Variants in PPP2R1A observed in about 807,000 individuals in gnomAD.
PPP2R1A encodes serine/threonine-protein phosphatase 2A 65 kDa regulatory subunit A alpha isoform.
A neutral mutation model predicts 67.1 loss-of-function variants in PPP2R1A; 15 were observed. The ratio of observed to expected loss-of-function variants is 0.22; its 90% CI spans 0.15 to 0.34. The LOEUF is 0.34. Among genes scored for constraint, PPP2R1A ranks in the 10% least tolerant of loss-of-function variants. PPP2R1A has a pLI of 1.00. For synonymous variants in PPP2R1A, 337 were observed against 325.0 expected, an observed-to-expected ratio of 1.04 and a Z score of -0.40; for missense variants, 369 against 775.0, an observed-to-expected ratio of 0.48 and a Z score of 6.22.
chr19:52,207,031 T>C (rs981340898), intron 3 of PPP2R1A, among the ~76,000 whole-genome samples: 4 of 152,222 alleles, frequency 2.6e-5, no homozygotes, highest in African/African-American at 7.2e-5. Flanking sequence ...AATATAACAA[T>C]TTGTTTCTTC....
chr19:52,203,886 C>T lies in PPP2R1A; in HGVS notation c.169+1852C>T, dbSNP rs143064010. ...GAACTCAGGGAAACACTTATGTTTA[C>T]TGGTTTATTATAAAGGATTTTGCAA... On this transcript the variant is annotated intron_variant, in intron 2 of 14. Coordinates refer to ENST00000322088, the MANE Select transcript of PPP2R1A (RefSeq NM_014225.6). 2.4e-3 allele frequency among the ~76,000 whole-genome samples: 360 copies of T among 152,238 alleles called. 3 individuals are homozygous for T. The highest frequency in any genetic ancestry group is 8.3e-3 in the African/African-American group (343 of 41,538).
intron 1 of PPP2R1A, chr19:52,200,291 A>G (rs2089535184): frequency 6.6e-6 from 1 of 152,188 alleles, no homozygotes; most frequent in South Asian, 2.1e-4. Flanking sequence ...AGCTATTAAT[A>G]ATAGGAGAGG....
chr19:52,204,102 G>A (rs1204941250), intron 2 of PPP2R1A, among the ~76,000 whole-genome samples: 2 of 152,192 alleles, frequency 1.3e-5, no homozygotes, highest in Non-Finnish European at 1.5e-5. Context: ...CCAGCCATGT[G>A]GAACTCTGTG....
At chr19:52,205,236 CA>C (rs1401215791) in intron 2 of PPP2R1A, among the ~76,000 whole-genome samples, 4 of 152,154 alleles carry the variant, frequency 2.6e-5, no homozygotes, top group Non-Finnish European at 5.9e-5. Context: ...CCCACTGCCT[CA>C]GGGATGAGAG....
At chr19:52,200,946 ATT>A (rs1280456967) in intron 1 of PPP2R1A, 6 of 148,348 alleles carry the variant, frequency 4.0e-5, no homozygotes, top group African/African-American at 1.3e-4. Flanking sequence ...ACGTCACTGG[ATT>A]CAAGGCTAAC....
intron 1 of PPP2R1A, among the ~76,000 whole-genome samples, chr19:52,197,550 C>T (rs2089507685): frequency 6.6e-6 from 1 of 152,128 alleles, no homozygotes; most frequent in Admixed American, 6.6e-5. Context: ...TGACACCTGC[C>T]TGTAGACCCG....
In PPP2R1A at chr19:52,219,606, A is replaced by G; in HGVS notation, c.1129-85A>G. 3 of 1,398,064 alleles carry G rather than the reference A, an allele frequency of 2.1e-6. No individual in the cohort carries two copies. Among genetic ancestry groups the G allele is most frequent in the Non-Finnish European group, 2.0e-6 (2 of 1,024,868 alleles). 86.6% of individuals were successfully genotyped at this position (1,398,064 alleles called of 1,614,324 possible). A position where few individuals can be genotyped will look rare whatever the true frequency, so the allele number is the denominator to read the frequency against. On this transcript the variant is annotated intron_variant, in intron 9 of 14. Coordinates refer to ENST00000322088, the MANE Select transcript of PPP2R1A (RefSeq NM_014225.6). This position sits in a 1 kb window ranked among gnomAD's most constrained non-coding sequence, Gnocchi z 4.0. ...TAGTCCCTCGGGAGATGTCCATAAAAGTTGATGCAGCTGAGCTCTTTCCAT... is the reference window on the plus strand; with the variant it reads ...TAGTCCCTCGGGAGATGTCCATAAAGGTTGATGCAGCTGAGCTCTTTCCAT...
In PPP2R1A at chr19:52,211,599, C is replaced by T; in HGVS notation, c.503+107C>T. The T allele has an allele frequency of 8.9e-7, 1 of 1,128,856 alleles. No individual in the cohort carries two copies. The highest frequency in any genetic ancestry group is 1.6e-5 in the African/African-American group (1 of 63,784). The allele number at this position is 1,128,856 out of a possible 1,614,324, so 69.9% of individuals were successfully genotyped here. A position where few individuals can be genotyped will look rare whatever the true frequency, so the allele number is the denominator to read the frequency against. On this transcript the variant is annotated intron_variant, in intron 4 of 14. Coordinates refer to ENST00000322088, the MANE Select transcript of PPP2R1A (RefSeq NM_014225.6). This position sits in a 1 kb window ranked among gnomAD's most constrained non-coding sequence, Gnocchi z 5.3. ...GCTGGGGCCCAAATGCCCCTGAACT[C>T]TCTCCACTCCCACTCCTGCTTACCA... is the stretch of plus-strand genomic sequence containing the variant.
rs761824188 is a variant in PPP2R1A, at chr19:52,225,998, A to G, written c.*17A>G. 3.1e-6 allele frequency: 5 copies of G among 1,614,164 alleles called. No individual in the cohort carries two copies. The highest frequency in any genetic ancestry group is 2.2e-5 in the East Asian group (1 of 44,872). On this transcript the variant is annotated 3_prime_UTR_variant, in exon 15 of 15. Coordinates refer to ENST00000322088, the MANE Select transcript of PPP2R1A (RefSeq NM_014225.6). ...CTCGCCTGATGCTGGAAGAGGAGCA[A>G]ACACTGGCCTCTGGTGTCCACCCTC...
At chr19:52,204,421 C>T (rs566252524) in intron 2 of PPP2R1A, among the ~76,000 whole-genome samples, 7 of 152,198 alleles carry the variant, frequency 4.6e-5, no homozygotes, top group Admixed American at 2.6e-4. Flanking sequence ...GTCTCCCAGG[C>T]GACAGCTAGT....
chr19:52,198,945 ATTG>A (rs769143481), intron 1 of PPP2R1A, among the ~76,000 whole-genome samples: 3 of 152,260 alleles, frequency 2.0e-5, no homozygotes, highest in South Asian at 2.1e-4. Flanking sequence ...GTTTGTTGCT[ATTG>A]TTCTGGCATT....
In PPP2R1A at chr19:52,219,532, G is replaced by A. The variant is rs535434646; in HGVS notation, c.1129-159G>A. Among the ~76,000 whole-genome samples the A allele has an allele frequency of 6.6e-6, 1 of 152,294 alleles. No individual in the cohort carries two copies. The highest frequency in any genetic ancestry group is 1.9e-4 in the East Asian group (1 of 5,184). ...TAGTGATCCATGCTGCTTGCTTTTTGTGTGCCGTTAATGTGTTCCCAGAAC... is the reference window on the plus strand; with the variant it reads ...TAGTGATCCATGCTGCTTGCTTTTTATGTGCCGTTAATGTGTTCCCAGAAC... On this transcript the variant is annotated intron_variant, in intron 9 of 14. Transcript: ENST00000322088. The surrounding 1 kb of genome is among the most constrained non-coding windows in gnomAD (Gnocchi z 4.0).
chr19:52,192,802 AGG>A (rs2089466672), intron 1 of PPP2R1A, among the ~76,000 whole-genome samples: 1 of 152,202 alleles, frequency 6.6e-6, no homozygotes, highest in East Asian at 1.9e-4. Flanking sequence ...AGACACATGC[AGG>A]GTGAGGTGTG....
intron 13 of PPP2R1A, among the ~76,000 whole-genome samples, chr19:52,224,146 AG>A (rs1294423465): frequency 6.6e-6 from 1 of 152,258 alleles, no homozygotes; most frequent in Non-Finnish European, 1.5e-5. Context: ...GGCAGAATGA[AG>A]GAATCGAGAT....
At position 52,211,070 on chromosome 19, in the gene PPP2R1A, G is replaced by C. The variant is rs912702750; in HGVS notation, c.271-190G>C. Among the ~76,000 whole-genome samples the C allele has an allele frequency of 1.8e-4, 28 of 152,326 alleles. No individual in the cohort carries two copies. Among genetic ancestry groups the C allele is most frequent in the African/African-American group, 6.7e-4 (28 of 41,568 alleles). ...GCTGACAGAGACCTTCTGCTGGCTG[G>C]CATAATATTACGTTTTTCCTTTGAG... On this transcript the variant is annotated intron_variant, in intron 3 of 14. Coordinates refer to ENST00000322088, the MANE Select transcript of PPP2R1A (RefSeq NM_014225.6). The surrounding 1 kb of genome is among the most constrained non-coding windows in gnomAD (Gnocchi z 5.3).
chr19:52,214,041 GGACA>G (rs1978420327), intron 6 of PPP2R1A, among the ~76,000 whole-genome samples: 2 of 152,148 alleles, frequency 1.3e-5, no homozygotes, highest in Non-Finnish European at 2.9e-5. Context: ...CACAGGTGTG[GGACA>G]GACAGACAGA....
intron 1 of PPP2R1A, among the ~76,000 whole-genome samples, chr19:52,190,583 C>G (rs925152982): frequency 6.6e-6 from 1 of 152,162 alleles, no homozygotes; most frequent in Non-Finnish European, 1.5e-5. Context: ...TGGGTCGGGA[C>G]CTGGGAAGGT....
At position 52,211,472 on chromosome 19, in the gene PPP2R1A, T is replaced by C. The variant is rs770017081; in HGVS notation, c.483T>C (p.Ala161=). ...TCTGCTACCCCCGAGTGTCCAGTGC[T>C]GTGAAGGCGGAACTTCGACAGTGAG... is the stretch of plus-strand genomic sequence containing the variant. The part of the protein sequence containing the change: ...FSVCYPRVSS[A]VKAELRQYFR... Residue 161 remains alanine, a synonymous_variant, in exon 4 of 15, where the codon GCT becomes GCC. Coordinates refer to ENST00000322088, the MANE Select transcript of PPP2R1A (RefSeq NM_014225.6). The surrounding 1 kb of genome is among the most constrained non-coding windows in gnomAD (Gnocchi z 5.3). 2.0e-5 allele frequency: 32 copies of C among 1,610,088 alleles called. No homozygotes were observed. The highest frequency in any genetic ancestry group is 2.5e-5 in the Non-Finnish European group (30 of 1,177,086).
chr19:52,200,190 C>T (rs993185842), intron 1 of PPP2R1A: 3 of 152,278 alleles, frequency 2.0e-5, no homozygotes, highest in Admixed American at 6.5e-5. Context: ...AAAGGTCCCC[C>T]GTGGGACCAT....
Sources: allele counts gnomAD v4.1 joint callset (sites outside exome capture counted in the v4.1 genomes callset), GRCh38; gene constraint gnomAD v4.1.1; non-coding constraint Gnocchi (gnomAD v3.1); transcripts MANE v1.5; gene names NCBI Gene and HGNC (gene_info 2026-07-23, HGNC 2026-07-21).